Variants in ZFHX3 observed in about 807,000 individuals in gnomAD.
ZFHX3 encodes the protein zinc finger homeobox 3.
ZFHX3 carries 42 observed loss-of-function variants against 279.1 expected under a neutral mutation model. That is an observed-to-expected ratio of 0.15 (90% CI 0.12 to 0.19). The LOEUF is 0.19. ZFHX3 is among the 10% of genes least tolerant of loss of function. ZFHX3 has a pLI of 1.00. For synonymous variants in ZFHX3, 2,293 were observed against 1,957.8 expected (o/e 1.17, Z -4.52); for missense variants, 4,981 against 4,754.0 (o/e 1.05, Z -1.40).
At chr16:73,763,664 C>T (rs1295878592) in intron 1 of ZFHX3, among the ~76,000 whole-genome samples, 1 of 152,130 alleles carries the variant, frequency 6.6e-6, no homozygotes, top group African/African-American at 2.4e-5. Flanking sequence ...GAACCTGTTA[C>T]TTGCTTCTTA....
intron 3 of ZFHX3, among the ~76,000 whole-genome samples, chr16:72,930,223 GATAA>G (rs201842825): frequency 6.6e-6 from 1 of 150,854 alleles, no homozygotes; most frequent in African/African-American, 2.5e-5. Context: ...AGTCTCAATA[GATAA>G]ATAAATAAAA....
chr16:73,388,481 G>C (rs1041645709), intron 3 of ZFHX3, among the ~76,000 whole-genome samples: 2 of 152,146 alleles, frequency 1.3e-5, no homozygotes, highest in Admixed American at 1.3e-4. Context: ...AAATATCCTA[G>C]TCCCTGCACT....
intron 3 of ZFHX3, among the ~76,000 whole-genome samples, chr16:72,923,515 C>G (rs1959259344): frequency 6.6e-6 from 1 of 151,486 alleles, no homozygotes; most frequent in African/African-American, 2.4e-5. Context: ...AGGCAAACAC[C>G]TCACATTATT....
intron 2 of ZFHX3, among the ~76,000 whole-genome samples, chr16:73,625,104 A>T (rs2052403023): frequency 6.6e-6 from 1 of 152,210 alleles, no homozygotes; most frequent in Non-Finnish European, 1.5e-5. Flanking sequence ...GGATTCTAAA[A>T]TTATTTAAAT....
chr16:73,288,073 C>G (rs1226029075), intron 4 of ZFHX3, among the ~76,000 whole-genome samples: 2 of 151,968 alleles, frequency 1.3e-5, no homozygotes, highest in African/African-American at 2.4e-5. Context: ...ATGCTCTGAC[C>G]CTGCACATTT....
At chr16:73,776,266 G>C (rs1046994790) in intron 1 of ZFHX3, among the ~76,000 whole-genome samples, 2 of 152,134 alleles carry the variant, frequency 1.3e-5, no homozygotes, top group African/African-American at 4.8e-5. Context: ...AGGGCTAGGA[G>C]AGCTTAAATT....
At chr16:72,967,089 C>T (rs1357148840) in intron 1 of ZFHX3, among the ~76,000 whole-genome samples, 1 of 152,194 alleles carries the variant, frequency 6.6e-6, no homozygotes, top group Non-Finnish European at 1.5e-5. Context: ...GAGTCCTCCA[C>T]ATCTGACATG....
rs533471167 is a variant in ZFHX3, at chr16:73,521,733, G to A, written c.-1546-65475C>T. Among the ~76,000 whole-genome samples, 19 of 151,682 alleles carry A rather than the reference G, an allele frequency of 1.3e-4. No homozygotes were observed. In the South Asian group the frequency reaches 3.4e-3, roughly 27 times the overall value. ...ATCTAAAATAATTTTTTATATAGTAGCATTTTAAATTTTATTAAAATGAAT... is the reference window on the plus strand; with the variant it reads ...ATCTAAAATAATTTTTTATATAGTAACATTTTAAATTTTATTAAAATGAAT... On this transcript the variant is annotated intron_variant, in intron 2 of 17. Transcript: ENST00000641206.
intron 2 of ZFHX3, among the ~76,000 whole-genome samples, chr16:73,601,803 C>T (rs1422657460): frequency 6.6e-6 from 1 of 151,924 alleles, no homozygotes; most frequent in African/African-American, 2.4e-5. Flanking sequence ...ACGGAAAGCA[C>T]GTTACTGAAA....
In ZFHX3 at chr16:72,960,080, C is replaced by T. The variant is rs755888505; in HGVS notation, c.66G>A (p.Gln22=). The T allele has an allele frequency of 5.0e-6, 8 of 1,613,306 alleles. 1 individual carries two copies. The South Asian group carries it at 5.5e-5, about 11-fold the overall frequency. ...KDNGCGIPQH[Q]QWTELNSTHL... The stretch of plus-strand genomic sequence containing the variant: ...GGGTGCTGTTGAGTTCAGTCCATTG[C>T]TGGTGCTGAGGGATACCGCACCCAT... The change falls in exon 2 of 10, where the codon CAG becomes CAA. Residue 22 remains glutamine, a synonymous_variant. Coordinates refer to ENST00000268489, the MANE Select transcript of ZFHX3 (RefSeq NM_006885.4).
At chr16:72,841,917 C>T (rs185379956) in intron 4 of ZFHX3, among the ~76,000 whole-genome samples, 15 of 152,232 alleles carry the variant, frequency 9.9e-5, no homozygotes, top group African/African-American at 3.4e-4. Context: ...TGGGAATATT[C>T]GAAAACAACA....
chr16:73,530,602 C>T (rs1354120178), intron 2 of ZFHX3, among the ~76,000 whole-genome samples: 1 of 151,950 alleles, frequency 6.6e-6, no homozygotes, highest in African/African-American at 2.4e-5. Context: ...TTTGGGACTC[C>T]TTTTAAGGAG....
chr16:72,929,965 C>T (rs1959697522), intron 3 of ZFHX3, among the ~76,000 whole-genome samples: 1 of 152,234 alleles, frequency 6.6e-6, no homozygotes, highest in African/African-American at 2.4e-5. Flanking sequence ...CGCCTGTAAT[C>T]CCAGCACTTT....
intron 1 of ZFHX3, among the ~76,000 whole-genome samples, chr16:72,991,856 G>A (rs1026226024): frequency 3.3e-5 from 5 of 152,084 alleles, no homozygotes; most frequent in Admixed American, 3.3e-4. Context: ...GTACATTCTG[G>A]TCATTAGCCA....
At chr16:73,002,403 G>C (rs1286899805) in intron 1 of ZFHX3, among the ~76,000 whole-genome samples, 1 of 152,122 alleles carries the variant, frequency 6.6e-6, no homozygotes, top group African/African-American at 2.4e-5. Flanking sequence ...AGAGAAGGTA[G>C]ATCAGAGCGT....
chr16:73,059,524 T>TTCTCTCCCTCTCTCTCTCTCTC (rs1555546370), exon 1 of ZFHX3: 2 of 103,252 alleles, frequency 1.9e-5, no homozygotes, highest in South Asian at 4.7e-4. Context: ...ATTTTCCCCT[T>TTCTCTCCCTCTCTCTCTCTCTC]TCTCTCTCTC....
intron 5 of ZFHX3, among the ~76,000 whole-genome samples, chr16:73,197,879 G>A (rs1001583021): frequency 1.3e-5 from 2 of 148,956 alleles, no homozygotes; most frequent in Non-Finnish European, 1.5e-5. Context: ...ATGTACTTGG[G>A]TGTCGGTAAA....
chr16:73,646,285 C>T (rs2052617676), intron 2 of ZFHX3, among the ~76,000 whole-genome samples: 2 of 152,062 alleles, frequency 1.3e-5, no homozygotes, highest in African/African-American at 2.4e-5. Context: ...TATGTAAAGA[C>T]AGTTGCAAAA....
intron 2 of ZFHX3, among the ~76,000 whole-genome samples, chr16:73,527,129 C>T (rs534365897): frequency 3.3e-5 from 5 of 152,230 alleles, no homozygotes; most frequent in African/African-American, 1.2e-4. Context: ...TCTCAGGCAG[C>T]TCCAGCCTGG....
Sources: gnomAD v4.1 joint callset for allele counts (sites outside exome capture counted in the v4.1 genomes callset) on GRCh38, gnomAD v4.1.1 for gene constraint, MANE v1.5 for transcripts, NCBI Gene and HGNC (gene_info 2026-07-23, HGNC 2026-07-21) for gene names.